SVIL: variants seen among roughly 807,000 people sequenced by gnomAD.
The protein encoded by SVIL is supervillin.
In SVIL, 101 loss-of-function variants were observed where a neutral mutation model predicts 240.4. The ratio of observed to expected loss-of-function variants is 0.42; its 90% CI spans 0.36 to 0.50. SVIL has a LOEUF of 0.50. Ranked by LOEUF, SVIL falls within the 20% of genes least tolerant of loss-of-function variation. SVIL has a pLI of 0.01. For missense variants in SVIL, 2,512 were observed against 2,818.7 expected, an observed-to-expected ratio of 0.89 and a Z score of 2.46; for synonymous variants, 999 against 1,100.0, an observed-to-expected ratio of 0.91 and a Z score of 1.82.
chr10:29,692,342 C>A (rs1352148163), intron 1 of SVIL, among the ~76,000 whole-genome samples: 2 of 152,118 alleles, frequency 1.3e-5, no homozygotes, highest in East Asian at 3.9e-4. Flanking sequence ...ACATTCCACC[C>A]CGTATGAGCA....
chr10:29,531,581 T>C (rs984608879), intron 9 of SVIL, among the ~76,000 whole-genome samples: 2 of 152,212 alleles, frequency 1.3e-5, no homozygotes, highest in African/African-American at 4.8e-5. Context: ...ACCATTTCTA[T>C]GCAATAGTAT....
chr10:29,558,429 C>A (rs1446898419), intron 3 of SVIL, among the ~76,000 whole-genome samples: 1 of 151,994 alleles, frequency 6.6e-6, no homozygotes, highest in Non-Finnish European at 1.5e-5. Flanking sequence ...CAAATGATGA[C>A]CTCTCAGTCT....
In SVIL at chr10:29,523,884, C is replaced by T. The variant is rs2132534061; in HGVS notation, c.2730G>A (p.Lys910=). 2 of 1,614,166 alleles carry T rather than the reference C, an allele frequency of 1.2e-6. No individual in the cohort carries two copies. Among genetic ancestry groups the T allele is most frequent in the Non-Finnish European group, 1.7e-6 (2 of 1,180,034 alleles). ...LDHNASATDY[K]FSSSIENSDS... is the part of the protein sequence containing the mutation. ...CCGAATTTTCTATTGAAGAAGAAAA[C>T]TTATAGTCAGTGGCACTTGCATTGT... The change falls in exon 15 of 38, where the codon AAG becomes AAA. Residue 910 remains lysine, a synonymous_variant. Transcript: ENST00000355867.
intron 1 of SVIL, among the ~76,000 whole-genome samples, chr10:29,621,357 C>T (rs1957631950): frequency 6.6e-6 from 1 of 152,176 alleles, no homozygotes; most frequent in Admixed American, 6.5e-5. Context: ...GCAAGTTCCC[C>T]GAGGCTGGAG....
chr10:29,476,077 G>A (rs545650442), intron 29 of SVIL, among the ~76,000 whole-genome samples: 1 of 152,278 alleles, frequency 6.6e-6, no homozygotes, highest in South Asian at 2.1e-4. Flanking sequence ...GTGTTTTTGA[G>A]AGGGCAAAAT....
At chr10:29,596,010 T>G (rs1173322125) in intron 1 of SVIL, among the ~76,000 whole-genome samples, 1 of 152,180 alleles carries the variant, frequency 6.6e-6, no homozygotes, top group African/African-American at 2.4e-5. Context: ...CCAAAATGTC[T>G]TTACAGTCAT....
intron 2 of SVIL, among the ~76,000 whole-genome samples, chr10:29,675,796 T>A (rs1960158434): frequency 6.6e-6 from 1 of 152,228 alleles, no homozygotes; most frequent in African/African-American, 2.4e-5. Context: ...TTCATGGGTA[T>A]CTTATTGCTA....
chr10:29,463,433 C>A, intron 35 of SVIL, 59 bp downstream of exon 35: 1 of 1,564,178 alleles, frequency 6.4e-7, no homozygotes. Flanking sequence ...CCTGGCTGCG[C>A]ATGCCTGAGG....
intron 16 of SVIL, among the ~76,000 whole-genome samples, chr10:29,515,896 T>C (rs539475299): frequency 1.3e-5 from 2 of 152,244 alleles, no homozygotes; most frequent in East Asian, 1.9e-4. Flanking sequence ...CACCTCCTCG[T>C]CCATCTTATA....
intron 16 of SVIL, 132 bp downstream of exon 16, chr10:29,522,278 G>A (rs1372434880): frequency 5.6e-6 from 5 of 895,904 alleles, no homozygotes; most frequent in Non-Finnish European, 3.4e-6. Flanking sequence ...ATTACTCCAG[G>A]ACAACAGCAC....
In SVIL at chr10:29,533,028, C is replaced by T. The variant is rs759063721; in HGVS notation, c.1339G>A (p.Glu447Lys). 18 of 1,614,152 alleles carry T rather than the reference C, an allele frequency of 1.1e-5. No homozygotes were observed. The South Asian group carries it at 2.0e-4, about 18-fold the overall frequency. The change falls in exon 8 of 38, where the codon GAA (glutamate) becomes AAA (lysine). Residue 447 changes from glutamate (E) to lysine (K), a missense_variant. Physicochemically the swap from Glu to Lys is moderately conservative, Grantham distance 56. Transcript: ENST00000355867. ...EEKEEDVCFT[E>K]ALEQSKKTLL... ...GTTTTCTTGCTTTGCTCGAGAGCTT[C>T]AGTGAAGCACACATCTTCTTCTTTT...
At chr10:29,501,625 T>G (rs1156808198) in intron 17 of SVIL, among the ~76,000 whole-genome samples, 1 of 152,188 alleles carries the variant, frequency 6.6e-6, no homozygotes, top group African/African-American at 2.4e-5. Flanking sequence ...ACCTGAACAT[T>G]TCCCCTCGTG....
At chr10:29,463,427 G>C in intron 35 of SVIL, 65 bp downstream of exon 35, 1 of 1,542,652 alleles carries the variant, frequency 6.5e-7, no homozygotes, top group African/African-American at 1.4e-5. Context: ...GGGTCTCCTG[G>C]CTGCGCATGC....
chr10:29,590,400 C>T lies in SVIL; in HGVS notation c.-200-21088G>A, dbSNP rs117864813. The stretch of plus-strand genomic sequence containing the variant: ...ACGGTATATATTTAGTCACTGTCTA[C>T]GAAGCAGAACTAGAACCACTGCATT... On this transcript the variant is annotated intron_variant, in intron 1 of 37. Coordinates refer to ENST00000355867, the MANE Select transcript of SVIL (RefSeq NM_021738.3). 1.4e-3 allele frequency among the ~76,000 whole-genome samples: 207 copies of T among 152,220 alleles called. 2 individuals carry two copies. In the South Asian group the frequency reaches 0.03, roughly 22 times the overall value.
chr10:29,626,368 G>A (rs1474771698), intron 1 of SVIL, among the ~76,000 whole-genome samples: 3 of 151,932 alleles, frequency 2.0e-5, no homozygotes, highest in African/African-American at 4.8e-5. Context: ...TAAACGCTAC[G>A]AGGGCAGGAA....
At position 29,481,669 on chromosome 10, in the gene SVIL, G is replaced by A. The variant is rs369100650; in HGVS notation, c.5015C>T (p.Thr1672Met). 14 of 1,613,806 alleles carry A rather than the reference G, an allele frequency of 8.7e-6. No homozygotes were observed. Among genetic ancestry groups the A allele is most frequent in the African/African-American group, 2.7e-5 (2 of 74,848 alleles). ...IFGRLTEHNE[T>M]ILFKEKFLDW... The stretch of plus-strand genomic sequence containing the variant: ...CAGAAACTTCTCTTTGAACAAAATC[G>A]TCTCATTGTGTTCAGTAAGTCTCCC... Residue 1672 changes from threonine (T) to methionine (M), a missense_variant, in exon 28 of 38, where the codon ACG becomes ATG. By Grantham distance (81) the Thr-to-Met change is moderately conservative (BLOSUM62 -1). This residue lies in a region of SVIL where 797 missense variants were observed against 925.3 expected (regional missense o/e 0.86). Coordinates refer to ENST00000355867, the MANE Select transcript of SVIL (RefSeq NM_021738.3).
rs374236407 is a variant in SVIL, at chr10:29,604,873, T to C, written c.-201+29547A>G. On this transcript the variant is annotated intron_variant, in intron 1 of 37. Transcript: ENST00000355867. ...CCCGAGCCACTGCACCTGGCCTAAT[T>C]TATAAATTAAACATTATCATAGGTT... Among the ~76,000 whole-genome samples, 66 of 152,048 alleles carry C rather than the reference T, an allele frequency of 4.3e-4. 1 individual carries two copies. In the South Asian group the frequency reaches 0.013, roughly 31 times the overall value.
At chr10:29,585,924 T>C (rs143842849) in intron 1 of SVIL, among the ~76,000 whole-genome samples, 4 of 152,266 alleles carry the variant, frequency 2.6e-5, no homozygotes, top group Non-Finnish European at 5.9e-5. Context: ...TGCCCCATCC[T>C]GAACGCAGGC....
chr10:29,704,354 T>C (rs1962744042), intron 1 of SVIL, among the ~76,000 whole-genome samples: 1 of 152,212 alleles, frequency 6.6e-6, no homozygotes, highest in Non-Finnish European at 1.5e-5. Flanking sequence ...ATATGTTGTC[T>C]TACAAATAAT....
Sources: allele counts gnomAD v4.1 joint callset (sites outside exome capture counted in the v4.1 genomes callset), GRCh38; gene constraint gnomAD v4.1.1; regional missense constraint gnomAD v4.1.1; transcripts MANE v1.5; gene names NCBI Gene and HGNC (gene_info 2026-07-23, HGNC 2026-07-21).